Variants in FLNA observed in about 807,000 individuals in gnomAD.
FLNA encodes the protein filamin A, also known as filamin-A.
A neutral mutation model predicts 157.6 loss-of-function variants in FLNA; 7 were observed. The observed-to-expected ratio is 0.04, with a 90% confidence interval of 0.03 to 0.08. FLNA has a LOEUF of 0.08. Among genes scored for constraint, FLNA ranks in the 10% least tolerant of loss-of-function variants. The pLI is 1.00. For synonymous variants in FLNA, 1,103 were observed against 1,060.8 expected (o/e 1.04, Z -0.77); for missense variants, 1,750 against 2,398.4 (o/e 0.73, Z 5.65).
rs782434140 is a variant in FLNA, at chrX:154,366,047, G to A, written c.1406C>T (p.Pro469Leu). Residue 469 changes from proline to leucine, a missense_variant, in exon 9 of 48, where the codon CCC becomes CTC. Coordinates refer to ENST00000369850, the MANE Select transcript of FLNA (RefSeq NM_001110556.2). ...ACCTTGGCCAACAGTGACAGTGTAG[G>A]GGCTGCGAGGGATGGGCACGCCGGC... ...TFAGVPIPRS[P>L]YTVTVGQACN... 6 of 1,206,633 alleles carry A rather than the reference G, an allele frequency of 5.0e-6. No homozygotes were observed. The highest frequency in any genetic ancestry group is 6.7e-6 in the Non-Finnish European group (6 of 893,824).
chrX:154,349,584 G>T lies in FLNA; in HGVS notation c.7553-19C>A. On this transcript the variant is annotated intron_variant, in intron 46 of 47. Transcript: ENST00000369850. ...CGGGGGCCTGCAAGGCAGAGTGGGT[G>T]GGGCTAAGAGGTGGCTGTGGTGCCG... is the stretch of plus-strand genomic sequence containing the variant. 8.3e-7 allele frequency: 1 copy of T among 1,210,205 alleles called. No individual in the cohort carries two copies. The highest frequency in any genetic ancestry group is 3.0e-5 in the East Asian group (1 of 33,869).
rs202109957 is a variant in FLNA at position 154,362,755 on chromosome X, G to T, written c.2310C>A (p.Asn770Lys). The change falls in exon 16 of 48, where the codon AAC becomes AAA. Residue 770 changes from asparagine to lysine, a missense_variant. Asn to Lys is a moderately conservative substitution (Grantham distance 94). This residue lies in a region of FLNA where 648 missense variants were observed against 805.8 expected (regional missense o/e 0.80). Transcript: ENST00000369850. Reference sequence around the variant, plus strand: ...CTCCGGGGCCGTATACTTTGACCTTGTTGGGGTGGCTGCCAGCTCCCACAT... The same window carrying T: ...CTCCGGGGCCGTATACTTTGACCTTTTTGGGGTGGCTGCCAGCTCCCACAT... The part of the protein sequence containing the change: ...RVNVGAGSHP[N>K]KVKVYGPGVA... 2.3e-4 allele frequency: 280 copies of T among 1,202,094 alleles called. No homozygotes were observed. The highest frequency in any genetic ancestry group is 5.7e-5 in the Non-Finnish European group (51 of 891,267).
chrX:154,355,147 C>T (rs1270408012), intron 30 of FLNA, 75 bp from the exon 31 acceptor site: 14 of 1,076,053 alleles, frequency 1.3e-5, no homozygotes, highest in Non-Finnish European at 1.5e-5. Flanking sequence ...GTCCGCCTGC[C>T]GCCCACACAG....
chrX:154,354,233 G>A lies in FLNA; in HGVS notation c.5475C>T (p.Asp1825=), dbSNP rs1057521451. 4.6e-5 allele frequency: 56 copies of A among 1,211,657 alleles called. No individual in the cohort carries two copies. The highest frequency in any genetic ancestry group is 6.5e-5 in the Admixed American group (3 of 46,149). The change falls in exon 34 of 48, where the codon GAC becomes GAT. Residue 1825 remains aspartate (D), a synonymous_variant. Transcript: ENST00000369850. The part of the protein sequence containing the change: ...VAQPTITDNK[D]GTVTVRYAPS... ...GTGCATACCGCACGGTCACGGTGCCGTCTTTGTTGTCAGTGATGGTGGGCT... is the reference window on the plus strand; with the variant it reads ...GTGCATACCGCACGGTCACGGTGCCATCTTTGTTGTCAGTGATGGTGGGCT...
chrX:154,373,573 G>A (rs919615973), intron 1 of FLNA, among the ~76,000 whole-genome samples: 21 of 112,429 alleles, frequency 1.9e-4, no homozygotes, highest in African/African-American at 6.5e-4. Flanking sequence ...GGCACACCCC[G>A]CCCACCACAC....
intron 2 of FLNA, 94 bp from the exon 3 acceptor site, chrX:154,368,184 A>G: frequency 8.8e-7 from 1 of 1,140,929 alleles, no homozygotes; most frequent in Admixed American, 2.2e-5. Context: ...ACGGGGTAGC[A>G]GGGGCCAAGG....
intron 2 of FLNA, among the ~76,000 whole-genome samples, chrX:154,370,220 G>A (rs2067794406): frequency 8.9e-6 from 1 of 112,665 alleles, no homozygotes; most frequent in Non-Finnish European, 1.9e-5. Context: ...AAAAGTTGGC[G>A]TCCAAGTAGT....
intron 15 of FLNA, 104 bp downstream of exon 15, chrX:154,363,918 G>T: frequency 2.2e-6 from 2 of 892,347 alleles, no homozygotes; most frequent in Non-Finnish European, 3.3e-6. Flanking sequence ...GGAGCTGTGG[G>T]ACAGGGGAGT....
intron 2 of FLNA, among the ~76,000 whole-genome samples, chrX:154,370,124 T>C (rs2067793709): frequency 8.9e-6 from 1 of 111,866 alleles, no homozygotes. Context: ...CAATGCACGC[T>C]GGAGCATCTA....
intron 21 of FLNA, 95 bp downstream of exon 21, chrX:154,361,213 A>AAT: frequency 3.7e-6 from 3 of 812,368 alleles, no homozygotes; most frequent in Non-Finnish European, 3.5e-6. Flanking sequence ...AAAAAAAAAA[A>AAT]GGATTTAGGG....
In FLNA at chrX:154,371,230, A is replaced by G. The variant is rs1557180289; in HGVS notation, c.16T>C (p.Ser6Pro). 1.7e-6 allele frequency: 2 copies of G among 1,200,615 alleles called. No homozygotes were observed. The highest frequency in any genetic ancestry group is 2.2e-5 in the Admixed American group (1 of 44,832). ...CCTGCTGCGCTCTGGCCCGCCCGAG[A>G]GTGGGAGCTACTCATTTTGAGGCGC... MSSSH[S>P]RAGQSAAGAA... Residue 6 changes from serine (S) to proline (P), a missense_variant, in exon 2 of 48, where the codon TCT becomes CCT. Physicochemically the swap from Ser to Pro is moderately conservative, Grantham distance 74 (BLOSUM62 -1). Transcript: ENST00000369850.
rs149379012 is a variant in FLNA at position 154,348,732 on chromosome X, G to A, written c.*117C>T. ...GCGCAGCACGGCACAGGGCAGGGGCGGCTGCAGTGACAGGCGGGCGGCCAG... is the reference window on the plus strand; with the variant it reads ...GCGCAGCACGGCACAGGGCAGGGGCAGCTGCAGTGACAGGCGGGCGGCCAG... On this transcript the variant is annotated 3_prime_UTR_variant, in exon 48 of 48. Coordinates refer to ENST00000369850, the MANE Select transcript of FLNA (RefSeq NM_001110556.2). 6.0e-3 allele frequency: 3,918 copies of A among 653,514 alleles called. 120 individuals carry two copies. In the African/African-American group the frequency reaches 0.078, roughly 13 times the overall value. The allele number at this position is 653,514 out of a possible 1,213,427, so 53.9% of individuals were successfully genotyped here.
chrX:154,365,412 C>T lies in FLNA; in HGVS notation c.1504G>A (p.Asp502Asn). Residue 502 changes from aspartate to asparagine, a missense_variant, in exon 10 of 48, where the codon GAC becomes AAC. Physicochemically the swap from Asp to Asn is conservative, Grantham distance 23 (BLOSUM62 1). Transcript: ENST00000369850. ...GCGCCCTTTGTGTACACCTTGAAGT[C>T]AGCTGTCTCCTTCACCCGCACACCC... ...PKGVRVKETA[D>N]FKVYTKGAGS... 1.7e-6 allele frequency: 2 copies of T among 1,211,719 alleles called. No homozygotes were observed. Among genetic ancestry groups the T allele is most frequent in the Non-Finnish European group, 2.2e-6 (2 of 895,425 alleles).
In FLNA at chrX:154,349,836, G is replaced by C. The variant is rs199677057; in HGVS notation, c.7365C>G (p.Ser2455Arg). Residue 2455 changes from serine to arginine, a missense_variant, in exon 46 of 48, where the codon AGC becomes AGG. Ser to Arg is a moderately radical substitution (Grantham distance 110). Coordinates refer to ENST00000369850, the MANE Select transcript of FLNA (RefSeq NM_001110556.2). The part of the protein sequence containing the change: ...GNPAEFVVNT[S>R]NAGAGALSVT... ...CCGACAGGGCACCAGCTCCCGCATTGCTCGTGTTCACGACGAACTCAGCTG... is the reference window on the plus strand; with the variant it reads ...CCGACAGGGCACCAGCTCCCGCATTCCTCGTGTTCACGACGAACTCAGCTG... The C allele has an allele frequency of 4.8e-5, 58 of 1,210,077 alleles. No individual in the cohort carries two copies. Among genetic ancestry groups the C allele is most frequent in the Non-Finnish European group, 4.5e-5 (40 of 895,071 alleles).
At chrX:154,355,417 G>A (rs1204133128) in intron 30 of FLNA, among the ~76,000 whole-genome samples, 2 of 113,890 alleles carry the variant, frequency 1.8e-5, no homozygotes, top group African/African-American at 3.2e-5. Flanking sequence ...ACTGCTGAAC[G>A]CCAGCATCTG....
rs2148114334 is a variant in FLNA, at chrX:154,362,411, CA to C, written c.2565+6del. On this transcript the variant is annotated splice_donor_region_variant and intron_variant, in intron 17 of 47. Coordinates refer to ENST00000369850, the MANE Select transcript of FLNA (RefSeq NM_001110556.2). ...GACATCTTAGCGGCCAGGAGCGCAG[CA>C]CCCACCTGGTCAGCAAAGAGGACCA... 5.0e-6 allele frequency: 6 copies of C among 1,211,148 alleles called. No homozygotes were observed. The highest frequency in any genetic ancestry group is 6.7e-6 in the Non-Finnish European group (6 of 894,988).
Position 154,353,383 on chromosome X carries a change from C to T in FLNA, c.5935G>A (p.Asp1979Asn). 1 of 1,211,859 alleles carries T rather than the reference C, an allele frequency of 8.3e-7. No homozygotes were observed. The highest frequency in any genetic ancestry group is 3.0e-5 in the East Asian group (1 of 33,874). Residue 1979 changes from aspartate to asparagine, a missense_variant, in exon 37 of 48, where the codon GAT becomes AAT. Physicochemically the swap from Asp to Asn is conservative, Grantham distance 23. Coordinates refer to ENST00000369850, the MANE Select transcript of FLNA (RefSeq NM_001110556.2). The stretch of plus-strand genomic sequence containing the variant: ...ACAGTGGCCGTCAGCAGGCTGAGAT[C>T]CGTCTCTGAGATGTTGATGGGGATG... ...ADIPINISETDLSLLTATVVP... is the reference protein window; with the variant it reads ...ADIPINISETNLSLLTATVVP...
chrX:154,364,321 G>A lies in FLNA; in HGVS notation c.2074C>T (p.Pro692Ser). 1.7e-6 allele frequency: 2 copies of A among 1,211,257 alleles called. No homozygotes were observed. The highest frequency in any genetic ancestry group is 2.2e-6 in the Non-Finnish European group (2 of 895,431). ...LEKTGVAVNK[P>S]AEFTVDAKHG... ...TTGGCATCCACTGTGAACTCTGCTGGCTTGTTGACGGCCACACCTGTCTTC... is the reference window on the plus strand; with the variant it reads ...TTGGCATCCACTGTGAACTCTGCTGACTTGTTGACGGCCACACCTGTCTTC... Residue 692 changes from proline to serine, a missense_variant, in exon 14 of 48, where the codon CCA becomes TCA. By Grantham distance (74) the Pro-to-Ser change is moderately conservative. Around this residue, in one of 5 missense-constraint regions of FLNA, gnomAD observed 648 missense variants for 805.8 expected, o/e 0.80. Coordinates refer to ENST00000369850, the MANE Select transcript of FLNA (RefSeq NM_001110556.2).
intron 21 of FLNA, among the ~76,000 whole-genome samples, chrX:154,360,955 G>T (rs1239727180): frequency 9.8e-6 from 1 of 101,752 alleles, no homozygotes; most frequent in Non-Finnish European, 2.0e-5. Context: ...GCTGAGGCAG[G>T]AGTATTGCTT....
Sources: allele counts gnomAD v4.1 joint callset (sites outside exome capture counted in the v4.1 genomes callset), GRCh38; gene constraint gnomAD v4.1.1; regional missense constraint gnomAD v4.1.1; transcripts MANE v1.5; gene names NCBI Gene and HGNC (gene_info 2026-07-23, HGNC 2026-07-21).